The following PPEF1 variants were observed in gnomAD, a reference collection of about 807,000 sequenced individuals.
The protein encoded by PPEF1 is serine/threonine-protein phosphatase with EF-hands 1.
Under a neutral mutation model 53.3 loss-of-function variants are expected in PPEF1, and 12 were observed. The ratio of observed to expected loss-of-function variants is 0.23; its 90% confidence interval spans 0.14 to 0.36. PPEF1 has a LOEUF of 0.36. Ranked by LOEUF, PPEF1 falls within the 10% of genes least tolerant of loss-of-function variation. PPEF1 has a pLI of 1.00. For missense variants in PPEF1, 334 were observed against 490.4 expected, an observed-to-expected ratio of 0.68 and a Z score of 3.01; for synonymous variants, 165 against 176.7, an observed-to-expected ratio of 0.93 and a Z score of 0.52.
At chrX:18,740,215 C>T (rs779975853) in intron 3 of PPEF1, among the ~76,000 whole-genome samples, 47 of 112,297 alleles carry the variant, frequency 4.2e-4, no homozygotes, top group Non-Finnish European at 6.9e-4. Flanking sequence ...GCGTCGCTGA[C>T]GCTGGGAGCT....
intron 3 of PPEF1, among the ~76,000 whole-genome samples, chrX:18,741,304 C>G (rs1362382561): frequency 8.9e-6 from 1 of 112,061 alleles, no homozygotes; most frequent in East Asian, 2.8e-4. Context: ...AACCCAGGCT[C>G]ACTTCATCAG....
At chrX:18,789,942 C>T in intron 10 of PPEF1, among the ~76,000 whole-genome samples, 1 of 112,130 alleles carries the variant, frequency 8.9e-6, no homozygotes, top group African/African-American at 3.2e-5. Context: ...TTTTATTTCT[C>T]TTAAGTGTGT....
intron 1 of PPEF1, among the ~76,000 whole-genome samples, chrX:18,710,072 A>G (rs997391292): frequency 1.8e-5 from 2 of 111,882 alleles, no homozygotes; most frequent in African/African-American, 6.5e-5. Context: ...GTGGTATCAC[A>G]CCATGGTTTT....
Position 18,725,597 on chromosome X carries a change from G to A in PPEF1, c.47-4584G>A, listed in dbSNP as rs182926131. On this transcript the variant is annotated intron_variant, in intron 1 of 15. Coordinates refer to ENST00000470157, the MANE Select transcript of PPEF1 (RefSeq NM_001377996.1). ...CCCTATTGGCAGAGCCTCACAGGGG[G>A]CAACTGACAAAGCTGAAATGGGGTC... Among the ~76,000 whole-genome samples, 339 of 111,919 alleles carry A rather than the reference G, an allele frequency of 3.0e-3. 3 individuals carry two copies. Among genetic ancestry groups the A allele is most frequent in the African/African-American group, 7.9e-3 (243 of 30,832 alleles).
At chrX:18,684,035 G>A (rs186871521) in intron 1 of PPEF1, among the ~76,000 whole-genome samples, 1 of 112,097 alleles carries the variant, frequency 8.9e-6, no homozygotes, top group African/African-American at 3.2e-5. Context: ...TAGCTCACCC[G>A]TAGCTCTCTC....
intron 12 of PPEF1, among the ~76,000 whole-genome samples, chrX:18,809,091 A>ATATC (rs58192421): frequency 0.075 from 7,287 of 96,664 alleles, 293 homozygotes; most frequent in East Asian, 0.16. Flanking sequence ...ATATCACATT[A>ATATC]TATCTATCTA....
At chrX:18,750,303 G>A (rs897235102) in intron 4 of PPEF1, among the ~76,000 whole-genome samples, 17 of 111,047 alleles carry the variant, frequency 1.5e-4, no homozygotes, top group Non-Finnish European at 2.3e-4. Flanking sequence ...CAATAGAAAG[G>A]CCATTCCTGT....
chrX:18,675,111 G>C (rs188732998), upstream of PPEF1, among the ~76,000 whole-genome samples: 958 of 112,609 alleles, frequency 8.5e-3, 12 homozygotes, highest in African/African-American at 0.029. Flanking sequence ...TTCGAGTCTC[G>C]GGCTCCGGCG....
intron 12 of PPEF1, among the ~76,000 whole-genome samples, chrX:18,810,227 C>A (rs1569270889): frequency 9.2e-6 from 1 of 108,721 alleles, no homozygotes; most frequent in Non-Finnish European, 1.9e-5. Context: ...TAACATTGGA[C>A]AATCTGAAAA....
intron 12 of PPEF1, among the ~76,000 whole-genome samples, chrX:18,808,254 C>A (rs187952671): frequency 9.1e-6 from 1 of 110,171 alleles, no homozygotes; most frequent in Admixed American, 9.8e-5. Flanking sequence ...AGTGAGCCAC[C>A]ACGCCCGGCC....
intron 4 of PPEF1, among the ~76,000 whole-genome samples, chrX:18,753,412 G>C (rs769996053): frequency 9.0e-6 from 1 of 111,355 alleles, no homozygotes; most frequent in Non-Finnish European, 1.9e-5. Context: ...TTGCTTAAAG[G>C]TTTGTTAATT....
At chrX:18,802,185 C>T (rs2046561285) in intron 10 of PPEF1, among the ~76,000 whole-genome samples, 1 of 110,253 alleles carries the variant, frequency 9.1e-6, no homozygotes, top group African/African-American at 3.3e-5. Context: ...TCACTTCAGC[C>T]TCCCAAGTAG....
At chrX:18,737,369 C>G (rs1037446298) in intron 3 of PPEF1, among the ~76,000 whole-genome samples, 4 of 112,046 alleles carry the variant, frequency 3.6e-5, no homozygotes, top group African/African-American at 1.3e-4. Context: ...TTTCTGCCTT[C>G]ATTTCGTTAT....
chrX:18,790,918 G>T (rs1452261678), intron 10 of PPEF1, among the ~76,000 whole-genome samples: 2 of 110,333 alleles, frequency 1.8e-5, no homozygotes. Flanking sequence ...TGATCTGCCC[G>T]CCTCGGCCTC....
At chrX:18,761,661 A>G (rs772196771) in intron 6 of PPEF1, 85 bp downstream of exon 6, 3 of 656,744 alleles carry the variant, frequency 4.6e-6, no homozygotes, top group Middle Eastern at 3.9e-4. Context: ...TTTACTAGAG[A>G]TATGTACTAA....
At chrX:18,784,550 A>G (rs749648613) in intron 9 of PPEF1, among the ~76,000 whole-genome samples, 5 of 108,624 alleles carry the variant, frequency 4.6e-5, no homozygotes, top group African/African-American at 1.7e-4. Flanking sequence ...CTAACTCCCC[A>G]TTCTCCCCTG....
chrX:18,748,940 C>T (rs894888664), intron 3 of PPEF1, among the ~76,000 whole-genome samples: 6 of 112,076 alleles, frequency 5.4e-5, no homozygotes, highest in African/African-American at 1.9e-4. Flanking sequence ...ACACTCTTGA[C>T]GGGAGTAGCT....
chrX:18,739,018 G>C (rs1569252676), intron 3 of PPEF1, among the ~76,000 whole-genome samples: 1 of 111,869 alleles, frequency 8.9e-6, no homozygotes, highest in Non-Finnish European at 1.9e-5. Context: ...ATTCTAGTTA[G>C]CCATTCGTCT....
intron 11 of PPEF1, among the ~76,000 whole-genome samples, chrX:18,805,993 T>G (rs1286796361): frequency 9.2e-6 from 1 of 108,961 alleles, no homozygotes; most frequent in Non-Finnish European, 1.9e-5. Flanking sequence ...TCTAAATCAC[T>G]CAGCTCCAAG....
Sources: allele counts gnomAD v4.1 joint callset (sites outside exome capture counted in the v4.1 genomes callset), GRCh38; gene constraint gnomAD v4.1.1; transcripts MANE v1.5; gene names NCBI Gene and HGNC (gene_info 2026-07-23, HGNC 2026-07-21).